Variants in ADCY9 observed in about 807,000 individuals in gnomAD.
ADCY9 encodes the protein adenylate cyclase 9, also known as adenylate cyclase type 9.
A neutral mutation model predicts 101.5 loss-of-function variants in ADCY9; 50 were observed. That is an observed-to-expected ratio of 0.49 (90% CI 0.39 to 0.62). ADCY9 has a LOEUF of 0.62. Among genes scored for constraint, ADCY9 ranks in the 20% least tolerant of loss-of-function variants. The pLI, the probability that ADCY9 is intolerant of heterozygous loss-of-function variation, is 0.00. For missense variants in ADCY9, 1,662 were observed against 1,800.4 expected, an observed-to-expected ratio of 0.92 and a Z score of 1.39; for synonymous variants, 905 against 769.3, an observed-to-expected ratio of 1.18 and a Z score of -2.92.
intron 2 of ADCY9, among the ~76,000 whole-genome samples, chr16:4,100,826 T>C (rs1946037943): frequency 6.6e-6 from 1 of 151,124 alleles, no homozygotes; most frequent in Non-Finnish European, 1.5e-5. Context: ...AATAAAAGCA[T>C]CTAAACACAC....
At chr16:3,970,612 G>T (rs2056042765) in intron 10 of ADCY9, among the ~76,000 whole-genome samples, 1 of 152,238 alleles carries the variant, frequency 6.6e-6, no homozygotes, top group Non-Finnish European at 1.5e-5. Context: ...ACAGGCACGA[G>T]CCACCATGCC....
At chr16:4,102,988 C>T (rs1222508203) in intron 2 of ADCY9, among the ~76,000 whole-genome samples, 2 of 152,226 alleles carry the variant, frequency 1.3e-5, no homozygotes, top group Non-Finnish European at 2.9e-5. Context: ...TCCCAAAGCG[C>T]TGGTATTACA....
chr16:4,006,391 G>A (rs888041853), intron 3 of ADCY9, among the ~76,000 whole-genome samples: 3 of 152,204 alleles, frequency 2.0e-5, no homozygotes, highest in Admixed American at 6.5e-5. Context: ...CAATCATTAC[G>A]TGTAACTGGG....
At chr16:4,076,341 G>A (rs1018380030) in intron 2 of ADCY9, among the ~76,000 whole-genome samples, 2 of 152,168 alleles carry the variant, frequency 1.3e-5, no homozygotes, top group Admixed American at 1.3e-4. Flanking sequence ...GACTGATGGT[G>A]GCAAATCTAC....
In ADCY9 at chr16:4,114,033, G is replaced by T; in HGVS notation, c.1410C>A (p.Ile470=). ...YCCIEMGLGM[I]KAIEQFCQEK... is the part of the protein sequence containing the mutation. ...CCTGGCAGAACTGCTCGATGGCCTT[G>T]ATCATGCCCAGGCCCATCTCGATGC... The change falls in exon 2 of 11, where the codon ATC becomes ATA. Residue 470 remains isoleucine (I), a synonymous_variant. Coordinates refer to ENST00000294016, the MANE Select transcript of ADCY9 (RefSeq NM_001116.4). This position sits in a 1 kb window ranked among gnomAD's most constrained non-coding sequence, Gnocchi z 4.3. The T allele has an allele frequency of 1.9e-6, 3 of 1,613,874 alleles. No homozygotes were observed. Among genetic ancestry groups the T allele is most frequent in the Non-Finnish European group, 2.5e-6 (3 of 1,180,046 alleles).
chr16:4,111,345 G>A (rs1324784720), intron 2 of ADCY9, among the ~76,000 whole-genome samples: 4 of 152,074 alleles, frequency 2.6e-5, no homozygotes, highest in African/African-American at 4.8e-5. Context: ...GTGCAGTGGC[G>A]CAGCCTCGGC....
chr16:4,011,022 G>A (rs1019972778), intron 2 of ADCY9, among the ~76,000 whole-genome samples: 1 of 152,176 alleles, frequency 6.6e-6, no homozygotes, highest in Admixed American at 6.5e-5. Context: ...AAATTTCCGT[G>A]CTGTATAGAT....
At chr16:4,109,061 C>A (rs2057097601) in intron 2 of ADCY9, among the ~76,000 whole-genome samples, 1 of 152,158 alleles carries the variant, frequency 6.6e-6, no homozygotes, top group Non-Finnish European at 1.5e-5. Context: ...ATTCCTGCAA[C>A]CTTCTCCCAG....
At chr16:4,039,451 G>C (rs1187116956) in intron 2 of ADCY9, among the ~76,000 whole-genome samples, 1 of 152,012 alleles carries the variant, frequency 6.6e-6, no homozygotes, top group Non-Finnish European at 1.5e-5. Flanking sequence ...GGCTGAGGCA[G>C]GCAGATGTTC....
chr16:4,110,984 G>A (rs1460716731), intron 2 of ADCY9, among the ~76,000 whole-genome samples: 2 of 152,124 alleles, frequency 1.3e-5, no homozygotes, highest in Non-Finnish European at 2.9e-5. Context: ...CCTGCTCCAC[G>A]ATCACGGATC....
At chr16:3,961,404 G>A (rs149266697), downstream of ADCY9, among the ~76,000 whole-genome samples, 90 of 151,738 alleles carry the variant, frequency 5.9e-4, no homozygotes, top group African/African-American at 2.0e-3. Context: ...GAGCCCTGAT[G>A]GTCACTGCAC....
intron 3 of ADCY9, among the ~76,000 whole-genome samples, chr16:3,996,335 G>A (rs1228740641): frequency 1.3e-5 from 2 of 152,188 alleles, no homozygotes; most frequent in African/African-American, 4.8e-5. Context: ...GCACTCCAGC[G>A]TGGGTGACAG....
In ADCY9 at chr16:3,965,649, C is replaced by G; in HGVS notation, c.*126G>C. ...ACTGTGATCCACACAGAAGTTAGGG[C>G]TGAAATGACCACATAACACCACGTC... On this transcript the variant is annotated 3_prime_UTR_variant, in exon 11 of 11. Transcript: ENST00000294016. 1.2e-6 allele frequency: 1 copy of G among 806,800 alleles called. No homozygotes were observed. Among genetic ancestry groups the G allele is most frequent in the South Asian group, 1.8e-5 (1 of 55,998 alleles). 50.0% of individuals were successfully genotyped at this position (806,800 alleles called of 1,614,324 possible). A position where few individuals can be genotyped will look rare whatever the true frequency, so the allele number is the denominator to read the frequency against.
Position 3,974,977 on chromosome 16 carries a change from G to A in ADCY9, c.2829-267C>T, listed in dbSNP as rs371464837. Among the ~76,000 whole-genome samples the A allele has an allele frequency of 5.9e-5, 9 of 152,244 alleles. No individual in the cohort carries two copies. The East Asian group carries it at 1.4e-3, about 23-fold the overall frequency. The stretch of plus-strand genomic sequence containing the variant: ...CTTAGCAACCGTGATGGGATTAGGG[G>A]CTCTGAGGCCTCAAGTGGATGGAGG... On this transcript the variant is annotated intron_variant, in intron 9 of 10. Coordinates refer to ENST00000294016, the MANE Select transcript of ADCY9 (RefSeq NM_001116.4).
In ADCY9 at chr16:3,993,503, G is replaced by C; in HGVS notation, c.1892C>G (p.Pro631Arg). Residue 631 changes from proline (P) to arginine (R), a missense_variant, in exon 4 of 11, where the codon CCT (proline) becomes CGT (arginine). This residue lies in a region of ADCY9 where 624 missense variants were observed against 639.1 expected (regional missense o/e 0.98). Transcript: ENST00000294016. Reference sequence around the variant, plus strand: ...GGGAGCAAATGTGATTCCGCACGAAGGGCAGGTCTAGAAGAAAAACACAGA... The same window carrying C: ...GGGAGCAAATGTGATTCCGCACGAACGGCAGGTCTAGAAGAAAAACACAGA... ...VKTFDNLKTC[P>R]SCGITFAPKS... is the part of the protein sequence containing the mutation. 6.2e-7 allele frequency: 1 copy of C among 1,614,066 alleles called. No individual in the cohort carries two copies. The highest frequency in any genetic ancestry group is 8.5e-7 in the Non-Finnish European group (1 of 1,180,008).
rs1401387089 is a variant in ADCY9 at position 4,115,262 on chromosome 16, C to G, written c.181G>C (p.Gly61Arg). The G allele has an allele frequency of 6.2e-7, 1 of 1,613,418 alleles. No homozygotes were observed. The highest frequency in any genetic ancestry group is 1.3e-5 in the African/African-American group (1 of 74,926). The change falls in exon 2 of 11, where the codon GGG (glycine) becomes CGG (arginine). Residue 61 changes from glycine (G) to arginine (R), a missense_variant. Physicochemically the swap from Gly to Arg is moderately radical, Grantham distance 125 (BLOSUM62 -2). This residue lies in a region of ADCY9 where 422 missense variants were observed against 392.0 expected (regional missense o/e 1.08). Transcript: ENST00000294016. This position sits in a 1 kb window ranked among gnomAD's most constrained non-coding sequence, Gnocchi z 6.2. ...CCGCCCACTCGCCGGGGGACGCCCCCGGAGTCCCCAGAGCTGCTGCAGCTA... is the reference window on the plus strand; with the variant it reads ...CCGCCCACTCGCCGGGGGACGCCCCGGGAGTCCCCAGAGCTGCTGCAGCTA... The part of the protein sequence containing the change: ...SSSCSSSGDS[G>R]GVPRRVGGGG...
intron 2 of ADCY9, among the ~76,000 whole-genome samples, chr16:4,027,620 TA>T (rs2056525304): frequency 6.6e-6 from 1 of 152,142 alleles, no homozygotes; most frequent in African/African-American, 2.4e-5. Flanking sequence ...CTCACGCCTG[TA>T]ATCCCAGCAC....
chr16:3,997,234 G>T (rs191204359), intron 3 of ADCY9, among the ~76,000 whole-genome samples: 163 of 152,354 alleles, frequency 1.1e-3, no homozygotes, highest in Admixed American at 1.8e-3. Context: ...GGCTTTATGA[G>T]ATTTTCTAAG....
intron 2 of ADCY9, among the ~76,000 whole-genome samples, chr16:4,040,980 T>C (rs1322988788): frequency 2.0e-5 from 3 of 151,936 alleles, no homozygotes; most frequent in Admixed American, 6.6e-5. Context: ...TTACCTGTAG[T>C]AGTCAGTTTT....
Sources: allele counts gnomAD v4.1 joint callset (sites outside exome capture counted in the v4.1 genomes callset), GRCh38; gene constraint gnomAD v4.1.1; regional missense constraint gnomAD v4.1.1; non-coding constraint Gnocchi (gnomAD v3.1); transcripts MANE v1.5; gene names NCBI Gene and HGNC (gene_info 2026-07-23, HGNC 2026-07-21).